SAMMSON: variants seen among roughly 807,000 people sequenced by gnomAD.
The protein encoded by SAMMSON is survival associated mitochondrial melanoma specific oncogenic non-coding RNA, also known as long intergenic non-protein coding RNA 1212.
At chr3:70,370,414 C>T (rs1702958104) in intron 9 of SAMMSON, among the ~76,000 whole-genome samples, 1 of 152,012 alleles carries the variant, frequency 6.6e-6, no homozygotes, top group East Asian at 1.9e-4. Flanking sequence ...TTCTAATTTT[C>T]AGTCCCATCA....
chr3:70,006,809 C>T (rs1183620068), intron 1 of SAMMSON, among the ~76,000 whole-genome samples: 1 of 129,722 alleles, frequency 7.7e-6, no homozygotes, highest in Admixed American at 8.5e-5. Context: ...CCCCCCACCC[C>T]ACAACAGGCC....
At chr3:70,153,099 C>A (rs544681524) in intron 4 of SAMMSON, among the ~76,000 whole-genome samples, 1 of 151,840 alleles carries the variant, frequency 6.6e-6, no homozygotes, top group Non-Finnish European at 1.5e-5. Flanking sequence ...ATATTATACA[C>A]ATATATATTT....
intron 2 of SAMMSON, among the ~76,000 whole-genome samples, chr3:70,403,046 C>T (rs1015631760): frequency 6.6e-6 from 1 of 151,968 alleles, no homozygotes; most frequent in Non-Finnish European, 1.5e-5. Flanking sequence ...GTCACAGATG[C>T]CCATTTAATA....
intron 4 of SAMMSON, among the ~76,000 whole-genome samples, chr3:70,220,177 G>C (rs1576159827): frequency 6.6e-6 from 1 of 152,034 alleles, no homozygotes; most frequent in South Asian, 2.1e-4. Flanking sequence ...GAGAGAATAA[G>C]GTTATATTCC....
At chr3:70,095,461 T>G (rs2067319815) in intron 4 of SAMMSON, among the ~76,000 whole-genome samples, 1 of 152,216 alleles carries the variant, frequency 6.6e-6, no homozygotes, top group Admixed American at 6.5e-5. Flanking sequence ...GAGAGGTCCC[T>G]GCTCCATCTC....
rs141034976 is a variant in SAMMSON, at chr3:70,376,849, G to A, written n.914-12725G>A. Among the ~76,000 whole-genome samples the A allele has an allele frequency of 2.6e-5, 4 of 152,006 alleles. No individual in the cohort carries two copies. In the East Asian group the frequency reaches 7.7e-4, roughly 29 times the overall value. ...TTTTTCTGTACATTTTAACTTAACTGGCATCATGCTGCCCATATCATTTTA... is the reference window on the plus strand; with the variant it reads ...TTTTTCTGTACATTTTAACTTAACTAGCATCATGCTGCCCATATCATTTTA... On this transcript the variant is annotated intron_variant and non_coding_transcript_variant, in intron 9 of 9. Coordinates refer to ENST00000642114, the Ensembl canonical transcript of SAMMSON.
At chr3:70,402,780 C>G (rs979961230) in intron 2 of SAMMSON, among the ~76,000 whole-genome samples, 2 of 151,960 alleles carry the variant, frequency 1.3e-5, no homozygotes, top group Non-Finnish European at 1.5e-5. Context: ...GAGTATCACT[C>G]AAACCCAGGA....
chr3:70,423,785 A>G (rs1701332069), intron 2 of SAMMSON, among the ~76,000 whole-genome samples: 1 of 152,188 alleles, frequency 6.6e-6, no homozygotes. Flanking sequence ...TAAAACCTGG[A>G]AATGTTTATA....
At chr3:70,291,094 A>G (rs774003457) in intron 6 of SAMMSON, 1 of 152,066 alleles carries the variant, frequency 6.6e-6, no homozygotes, top group Non-Finnish European at 1.5e-5. Context: ...AGAGCTACTT[A>G]TTTTTTTATG....
chr3:70,306,810 CA>C (rs1379791308), intron 7 of SAMMSON, among the ~76,000 whole-genome samples: 1 of 152,022 alleles, frequency 6.6e-6, no homozygotes, highest in East Asian at 1.9e-4. Flanking sequence ...TTCTGAAGGA[CA>C]AAAAACTTAT....
chr3:70,322,756 A>G (rs1394539308), intron 7 of SAMMSON, among the ~76,000 whole-genome samples: 1 of 152,134 alleles, frequency 6.6e-6, no homozygotes, highest in Non-Finnish European at 1.5e-5. Flanking sequence ...AAAAAATTGT[A>G]AGCAGTTTTA....
chr3:70,335,881 G>GT (rs1186263570), intron 7 of SAMMSON, among the ~76,000 whole-genome samples: 1 of 151,824 alleles, frequency 6.6e-6, no homozygotes, highest in Non-Finnish European at 1.5e-5. Context: ...CCATTATGCT[G>GT]TTATAGCTGT....
At chr3:70,338,236 A>G (rs906723244) in intron 7 of SAMMSON, among the ~76,000 whole-genome samples, 4 of 151,986 alleles carry the variant, frequency 2.6e-5, no homozygotes, top group Non-Finnish European at 4.4e-5. Flanking sequence ...TCATAATCAT[A>G]ATTAGATACA....
intron 4 of SAMMSON, among the ~76,000 whole-genome samples, chr3:70,134,543 A>C (rs1262066177): frequency 6.6e-6 from 1 of 152,130 alleles, no homozygotes; most frequent in Non-Finnish European, 1.5e-5. Context: ...ATAAAGTGTA[A>C]ACATATGACT....
chr3:70,319,756 T>C (rs1702523202), intron 7 of SAMMSON, among the ~76,000 whole-genome samples: 2 of 151,992 alleles, frequency 1.3e-5, no homozygotes, highest in Non-Finnish European at 2.9e-5. Flanking sequence ...AACCATCCCA[T>C]TAAATTAAAT....
chr3:70,184,146 A>G (rs1701074458), intron 4 of SAMMSON: 2 of 152,252 alleles, frequency 1.3e-5, no homozygotes, highest in South Asian at 2.1e-4. Context: ...AATGCAATGT[A>G]TCATCCGTGA....
chr3:70,132,685 T>G (rs2067487187), intron 4 of SAMMSON, among the ~76,000 whole-genome samples: 1 of 150,056 alleles, frequency 6.7e-6, no homozygotes, highest in South Asian at 2.1e-4. Flanking sequence ...CTCATGCCTA[T>G]AATCCCAGCA....
intron 3 of SAMMSON, among the ~76,000 whole-genome samples, chr3:70,021,881 C>A (rs1576099250): frequency 1.3e-5 from 2 of 152,084 alleles, no homozygotes; most frequent in Non-Finnish European, 2.9e-5. Context: ...AACCTGAGGG[C>A]CATTTCTTTT....
intron 6 of SAMMSON, among the ~76,000 whole-genome samples, chr3:70,285,167 A>T (rs1452670791): frequency 6.7e-6 from 1 of 148,782 alleles, no homozygotes; most frequent in Non-Finnish European, 1.5e-5. Context: ...CTAACTTGTC[A>T]TCTAGCATTA....
Sources: allele counts gnomAD v4.1 joint callset (sites outside exome capture counted in the v4.1 genomes callset), GRCh38; gene constraint gnomAD v4.1.1; transcripts MANE v1.5; gene names NCBI Gene and HGNC (gene_info 2026-07-23, HGNC 2026-07-21).